The following GRIK3 variants were observed in gnomAD, a reference collection of about 807,000 sequenced individuals.
The protein encoded by GRIK3 is glutamate ionotropic receptor kainate type subunit 3, also known as glutamate receptor ionotropic, kainate 3.
A neutral mutation model predicts 102.5 loss-of-function variants in GRIK3; 29 were observed. The observed-to-expected ratio is 0.28, with a 90% CI of 0.21 to 0.39. The LOEUF is 0.39. Among genes scored for constraint, GRIK3 ranks in the 10% least tolerant of loss-of-function variants. The pLI, the probability that GRIK3 is intolerant of heterozygous loss-of-function variation, is 1.00. For synonymous variants in GRIK3, 511 were observed against 504.9 expected, an observed-to-expected ratio of 1.01 and a Z score of -0.16; for missense variants, 908 against 1,252.4, an observed-to-expected ratio of 0.73 and a Z score of 4.15.
chr1:36,990,627 A>G (rs1330333149), intron 1 of GRIK3, among the ~76,000 whole-genome samples: 2 of 152,210 alleles, frequency 1.3e-5, no homozygotes, highest in Admixed American at 1.3e-4. Flanking sequence ...TGAGAAGGAG[A>G]AAAATAAAAC....
intron 10 of GRIK3, among the ~76,000 whole-genome samples, chr1:36,834,934 T>C (rs1015595348): frequency 1.3e-5 from 2 of 152,326 alleles, no homozygotes; most frequent in African/African-American, 2.4e-5. Context: ...CTCTTCCTCA[T>C]TCTTCAGGTA....
intron 1 of GRIK3, among the ~76,000 whole-genome samples, chr1:36,946,474 A>G (rs1641786191): frequency 6.6e-6 from 1 of 152,212 alleles, no homozygotes; most frequent in Admixed American, 6.5e-5. Context: ...GAGTGGGGCT[A>G]TGGACACTCG....
At chr1:36,840,943 G>A (rs1403578439) in intron 10 of GRIK3, among the ~76,000 whole-genome samples, 4 of 152,160 alleles carry the variant, frequency 2.6e-5, no homozygotes, top group African/African-American at 7.2e-5. Flanking sequence ...CAACAATCGC[G>A]TGAGGAAGGG....
At chr1:36,990,156 G>T (rs1198866068) in intron 1 of GRIK3, among the ~76,000 whole-genome samples, 1 of 152,060 alleles carries the variant, frequency 6.6e-6, no homozygotes, top group African/African-American at 2.4e-5. Context: ...GACCTGCCTG[G>T]TTGAGCCCTG....
intron 1 of GRIK3, among the ~76,000 whole-genome samples, chr1:36,932,518 G>A (rs1026143560): frequency 6.6e-6 from 1 of 152,146 alleles, no homozygotes; most frequent in Non-Finnish European, 1.5e-5. Context: ...CCCCTTCCGG[G>A]TTCAGAAGTG....
At position 36,804,880 on chromosome 1, in the gene GRIK3, T is replaced by C. The variant is rs1441372161; in HGVS notation, c.2565+107A>G. The C allele has an allele frequency of 4.3e-6, 6 of 1,385,858 alleles. No homozygotes were observed. In the East Asian group the frequency reaches 9.3e-5, roughly 21 times the overall value. 85.8% of individuals were successfully genotyped at this position (1,385,858 alleles called of 1,614,324 possible). On this transcript the variant is annotated intron_variant, in intron 15 of 15. Coordinates refer to ENST00000373091, the MANE Select transcript of GRIK3 (RefSeq NM_000831.4). ...GGCCGACTGGATGCAGGGTGAGCTGTTGTGAGGCTGAGATGAGACACCACT... is the reference window on the plus strand; with the variant it reads ...GGCCGACTGGATGCAGGGTGAGCTGCTGTGAGGCTGAGATGAGACACCACT...
At chr1:36,925,575 G>T (rs770216852) in intron 1 of GRIK3, among the ~76,000 whole-genome samples, 2 of 152,266 alleles carry the variant, frequency 1.3e-5, no homozygotes, top group African/African-American at 2.4e-5. Flanking sequence ...CTGAAACCAA[G>T]AACTTGTCTC....
intron 9 of GRIK3, among the ~76,000 whole-genome samples, chr1:36,844,749 A>T (rs574395528): frequency 6.6e-6 from 1 of 152,306 alleles, no homozygotes; most frequent in African/African-American, 2.4e-5. Flanking sequence ...CAATATTATT[A>T]TTATTATTAA....
chr1:36,861,100 C>T (rs989986530), intron 5 of GRIK3, among the ~76,000 whole-genome samples: 6 of 152,180 alleles, frequency 3.9e-5, no homozygotes, highest in Admixed American at 1.3e-4. Context: ...AGTCTATGCT[C>T]CCCGCAACCC....
chr1:36,866,454 C>T (rs561802578), intron 5 of GRIK3, among the ~76,000 whole-genome samples: 58 of 152,306 alleles, frequency 3.8e-4, no homozygotes, highest in African/African-American at 1.3e-3. Flanking sequence ...TCAGTTTCCA[C>T]GTTTCTATAA....
chr1:36,885,102 G>A (rs1329271675), intron 2 of GRIK3, among the ~76,000 whole-genome samples: 1 of 152,220 alleles, frequency 6.6e-6, no homozygotes, highest in Non-Finnish European at 1.5e-5. Flanking sequence ...TAATGGTGAC[G>A]GCATTGCTGA....
chr1:36,836,747 A>G (rs1445504088), intron 10 of GRIK3, among the ~76,000 whole-genome samples: 1 of 152,124 alleles, frequency 6.6e-6, no homozygotes, highest in Non-Finnish European at 1.5e-5. Flanking sequence ...AAAAGAATCC[A>G]TTTCCCGTGG....
At chr1:36,961,474 C>T (rs936042694) in intron 1 of GRIK3, among the ~76,000 whole-genome samples, 4 of 152,218 alleles carry the variant, frequency 2.6e-5, no homozygotes, top group Non-Finnish European at 5.9e-5. Flanking sequence ...ACAAAGAAAG[C>T]AGCAGGCACT....
chr1:36,958,672 GTGTGCCCTGTGAGTC>G (rs1481856363), intron 1 of GRIK3, among the ~76,000 whole-genome samples: 1 of 107,250 alleles, frequency 9.3e-6, no homozygotes, highest in Non-Finnish European at 2.1e-5. Context: ...CCGTGAGCCT[GTGTGCCCTGTGAGTC>G]TGTGCCTTGT....
At chr1:36,913,677 G>T (rs975483528) in intron 1 of GRIK3, among the ~76,000 whole-genome samples, 3 of 152,052 alleles carry the variant, frequency 2.0e-5, no homozygotes, top group Non-Finnish European at 2.9e-5. Flanking sequence ...ATTCTCATCA[G>T]GTGGCAACAC....
intron 1 of GRIK3, among the ~76,000 whole-genome samples, chr1:37,007,202 C>T (rs1044321240): frequency 3.9e-5 from 6 of 152,380 alleles, no homozygotes; most frequent in African/African-American, 1.4e-4. Context: ...CATCCTAACT[C>T]ATTTAGGTCT....
chr1:36,879,978 G>A (rs1051381752), intron 3 of GRIK3, among the ~76,000 whole-genome samples: 2 of 152,210 alleles, frequency 1.3e-5, no homozygotes, highest in Non-Finnish European at 2.9e-5. Context: ...AGGTGTCTGT[G>A]TGTGAGTGTG....
intron 2 of GRIK3, among the ~76,000 whole-genome samples, chr1:36,881,526 A>G (rs1313663771): frequency 6.6e-6 from 1 of 151,826 alleles, no homozygotes; most frequent in Non-Finnish European, 1.5e-5. Context: ...CCACACCCCA[A>G]TTCATCAACA....
chr1:36,860,049 C>T, intron 5 of GRIK3, 32 bp from the exon 6 acceptor site: 2 of 1,515,812 alleles, frequency 1.3e-6, no homozygotes, highest in Non-Finnish European at 1.8e-6. Context: ...TAAACCAAGG[C>T]ATGCTCACTG....
Sources: allele counts gnomAD v4.1 joint callset (sites outside exome capture counted in the v4.1 genomes callset), GRCh38; gene constraint gnomAD v4.1.1; transcripts MANE v1.5; gene names NCBI Gene and HGNC (gene_info 2026-07-23, HGNC 2026-07-21).